Variants in SSBP2 observed in about 807,000 individuals in gnomAD.
SSBP2 encodes single-stranded DNA-binding protein 2.
A neutral mutation model predicts 61.8 loss-of-function variants in SSBP2; 17 were observed. The ratio of observed to expected loss-of-function variants is 0.28; its 90% CI spans 0.19 to 0.41. The LOEUF is 0.41. Among genes scored for constraint, SSBP2 ranks in the 10% least tolerant of loss-of-function variants. The probability of loss-of-function intolerance (pLI) is 1.00; values close to 1 mark genes in which losing one functional copy is unlikely to be tolerated. For synonymous variants in SSBP2, 139 were observed against 141.3 expected (o/e 0.98, Z 0.12); for missense variants, 310 against 458.7 (o/e 0.68, Z 2.96).
At chr5:81,611,927 T>C (rs976572758) in intron 4 of SSBP2, among the ~76,000 whole-genome samples, 7 of 152,086 alleles carry the variant, frequency 4.6e-5, no homozygotes, top group Non-Finnish European at 7.4e-5. Flanking sequence ...TTGTACAACA[T>C]AGGGCATATG....
At chr5:81,428,814 C>T (rs923322223) in intron 15 of SSBP2, 131 bp from the exon 16 acceptor site, 7 of 587,710 alleles carry the variant, frequency 1.2e-5, no homozygotes, top group African/African-American at 7.5e-5. Flanking sequence ...TAGACTTCTA[C>T]CATGTATTCT....
chr5:81,455,790 T>C (rs1033263939), intron 10 of SSBP2, among the ~76,000 whole-genome samples: 1 of 152,168 alleles, frequency 6.6e-6, no homozygotes, highest in South Asian at 2.1e-4. Flanking sequence ...GAACTTATTA[T>C]TTGACAGAGA....
chr5:81,649,558 G>A (rs765400821), intron 2 of SSBP2, among the ~76,000 whole-genome samples: 3 of 152,066 alleles, frequency 2.0e-5, no homozygotes, highest in Non-Finnish European at 4.4e-5. Flanking sequence ...ACTTAGAAGT[G>A]GGAGCTACAC....
chr5:81,473,786 A>G lies in SSBP2; in HGVS notation c.500-16T>C. On this transcript the variant is annotated splice_polypyrimidine_tract_variant and intron_variant, in intron 7 of 16. Coordinates refer to ENST00000320672, the MANE Select transcript of SSBP2 (RefSeq NM_012446.5). ...TTTGGATGTCCTAAAAAAAGTATGA[A>G]GACATTAGCAAAGTAATGAGCATGA... 4 of 1,612,228 alleles carry G rather than the reference A, an allele frequency of 2.5e-6. No homozygotes were observed. Among genetic ancestry groups the G allele is most frequent in the Non-Finnish European group, 3.4e-6 (4 of 1,178,392 alleles).
intron 4 of SSBP2, among the ~76,000 whole-genome samples, chr5:81,580,623 T>G (rs1331665561): frequency 6.6e-6 from 1 of 152,074 alleles, no homozygotes; most frequent in Non-Finnish European, 1.5e-5. Context: ...GAAAGAGACA[T>G]ACCTTATTAT....
intron 1 of SSBP2, among the ~76,000 whole-genome samples, chr5:81,659,763 C>T (rs1347146436): frequency 6.6e-6 from 1 of 152,112 alleles, no homozygotes; most frequent in African/African-American, 2.4e-5. Flanking sequence ...TGACTTCAAA[C>T]TATACTATAA....
At chr5:81,641,887 T>C (rs182435373) in intron 2 of SSBP2, among the ~76,000 whole-genome samples, 2 of 152,132 alleles carry the variant, frequency 1.3e-5, no homozygotes, top group East Asian at 1.9e-4. Context: ...ATTTGGAAGG[T>C]TGGAGAATAT....
intron 4 of SSBP2, among the ~76,000 whole-genome samples, chr5:81,608,500 G>GT (rs1745104173): frequency 6.6e-6 from 1 of 152,094 alleles, no homozygotes; most frequent in African/African-American, 2.4e-5. Context: ...TGAAGCAAAA[G>GT]TTTCATCCAG....
At chr5:81,538,141 GA>G (rs1770959939) in intron 4 of SSBP2, among the ~76,000 whole-genome samples, 1 of 152,140 alleles carries the variant, frequency 6.6e-6, no homozygotes, top group Non-Finnish European at 1.5e-5. Flanking sequence ...GAATGCAAAG[GA>G]AAAGTTCTTG....
At chr5:81,550,960 G>A (rs1772132596) in intron 4 of SSBP2, among the ~76,000 whole-genome samples, 1 of 152,056 alleles carries the variant, frequency 6.6e-6, no homozygotes, top group Non-Finnish European at 1.5e-5. Context: ...GCCAGGTGTG[G>A]TGGCAGGCGC....
chr5:81,434,182 G>T (rs1426458177), intron 15 of SSBP2, among the ~76,000 whole-genome samples: 1 of 152,006 alleles, frequency 6.6e-6, no homozygotes, highest in East Asian at 1.9e-4. Context: ...CATATAAAAT[G>T]GATAAAATGG....
intron 1 of SSBP2, among the ~76,000 whole-genome samples, chr5:81,725,770 A>AATT (rs909347506): frequency 4.3e-4 from 66 of 152,294 alleles, no homozygotes; most frequent in African/African-American, 1.5e-3. Flanking sequence ...TTTGCTTCAA[A>AATT]ATAATACAGT....
At chr5:81,583,800 G>A (rs1278684198) in intron 4 of SSBP2, among the ~76,000 whole-genome samples, 4 of 152,080 alleles carry the variant, frequency 2.6e-5, no homozygotes, top group South Asian at 2.1e-4. Flanking sequence ...TGAAGTTTCC[G>A]TTCATGTTTA....
At chr5:81,468,878 A>T (rs1195836997) in intron 8 of SSBP2, among the ~76,000 whole-genome samples, 1 of 152,026 alleles carries the variant, frequency 6.6e-6, no homozygotes, top group Non-Finnish European at 1.5e-5. Flanking sequence ...GGTTAAAAGG[A>T]TAGCTATTTC....
At chr5:81,724,703 G>A (rs1755758607) in intron 1 of SSBP2, among the ~76,000 whole-genome samples, 1 of 151,654 alleles carries the variant, frequency 6.6e-6, no homozygotes, top group Non-Finnish European at 1.5e-5. Context: ...AAATGGAGAG[G>A]GATATGTAAT....
intron 6 of SSBP2, among the ~76,000 whole-genome samples, chr5:81,484,927 G>T (rs1766271492): frequency 6.6e-6 from 1 of 152,114 alleles, no homozygotes; most frequent in South Asian, 2.1e-4. Flanking sequence ...AGTGTTTCAG[G>T]AATCTGAAGA....
intron 10 of SSBP2, among the ~76,000 whole-genome samples, chr5:81,451,650 C>T (rs1347004203): frequency 6.6e-6 from 1 of 152,202 alleles, no homozygotes; most frequent in Non-Finnish European, 1.5e-5. Context: ...GGGTCTCGAA[C>T]CCCTGACCTC....
At chr5:81,675,473 T>C (rs1751893931) in intron 1 of SSBP2, among the ~76,000 whole-genome samples, 1 of 152,184 alleles carries the variant, frequency 6.6e-6, no homozygotes, top group South Asian at 2.1e-4. Flanking sequence ...TATACCATTT[T>C]AGGGATGCCA....
At chr5:81,743,376 TC>T (rs1757155307) in intron 1 of SSBP2, among the ~76,000 whole-genome samples, 1 of 152,170 alleles carries the variant, frequency 6.6e-6, no homozygotes, top group Admixed American at 6.5e-5. Context: ...CCAAGAACCT[TC>T]CCGACTACCC....
Sources: gnomAD v4.1 joint callset for allele counts (sites outside exome capture counted in the v4.1 genomes callset) on GRCh38, gnomAD v4.1.1 for gene constraint, MANE v1.5 for transcripts, NCBI Gene and HGNC (gene_info 2026-07-23, HGNC 2026-07-21) for gene names.